The following NRXN1 variants were observed in gnomAD, a reference collection of about 807,000 sequenced individuals.
The protein encoded by NRXN1 is neurexin 1, also known as neurexin-1.
NRXN1 carries 39 observed loss-of-function variants against 150.9 expected under a neutral mutation model. The observed-to-expected ratio is 0.26, with a 90% confidence interval of 0.20 to 0.34. NRXN1 has a LOEUF of 0.34. Ranked by LOEUF, NRXN1 falls within the 10% of genes least tolerant of loss-of-function variation. NRXN1 has a pLI of 1.00. For missense variants in NRXN1, 1,815 were observed against 1,949.9 expected (o/e 0.93, Z 1.30); for synonymous variants, 924 against 757.0 (o/e 1.22, Z -3.62).
chr2:50,651,953 G>A (rs932134306), intron 5 of NRXN1, among the ~76,000 whole-genome samples: 1 of 152,030 alleles, frequency 6.6e-6, no homozygotes, highest in African/African-American at 2.4e-5. Flanking sequence ...TTATTGTAGG[G>A]TCTTAATGAG....
chr2:50,207,210 A>G lies in NRXN1; in HGVS notation c.3546+29579T>C, dbSNP rs78052910. Among the ~76,000 whole-genome samples the G allele has an allele frequency of 4.8e-3, 737 of 152,206 alleles. 8 individuals are homozygous for G. Among genetic ancestry groups the G allele is most frequent in the African/African-American group, 0.017 (697 of 41,568 alleles). The stretch of plus-strand genomic sequence containing the variant: ...ACTATCTTCACATTTTATCTACCTG[A>G]TTTAAAATACAAAATCTTTCCATGT... On this transcript the variant is annotated intron_variant, in intron 18 of 22. Transcript: ENST00000401669.
intron 17 of NRXN1, among the ~76,000 whole-genome samples, chr2:50,340,951 T>C (rs1232462268): frequency 1.3e-5 from 2 of 152,192 alleles, no homozygotes; most frequent in Non-Finnish European, 2.9e-5. Context: ...GGTTGCTCTA[T>C]TCTCTTCTCA....
At chr2:50,456,031 A>G (rs1558762722) in intron 17 of NRXN1, among the ~76,000 whole-genome samples, 1 of 152,152 alleles carries the variant, frequency 6.6e-6, no homozygotes, top group Non-Finnish European at 1.5e-5. Flanking sequence ...CCAAGAAAAA[A>G]TGTGTACTTT....
chr2:50,830,981 A>G lies in NRXN1; in HGVS notation c.832+90888T>C, dbSNP rs1220795184. 2.0e-5 allele frequency among the ~76,000 whole-genome samples: 3 copies of G among 152,106 alleles called. No homozygotes were observed. In the East Asian group the frequency reaches 5.8e-4, roughly 29 times the overall value. ...ATTTTTGTGGGCATATAGTAGGTGT[A>G]TATGTTTATGAGGTACATGAAATGT... On this transcript the variant is annotated intron_variant, in intron 5 of 22. Transcript: ENST00000401669.
chr2:50,296,096 A>C (rs1444310787), intron 17 of NRXN1, among the ~76,000 whole-genome samples: 1 of 152,212 alleles, frequency 6.6e-6, no homozygotes, highest in Non-Finnish European at 1.5e-5. Flanking sequence ...AGACAATGTT[A>C]ATATTCACTA....
chr2:50,587,171 A>G (rs1673280978), intron 8 of NRXN1, among the ~76,000 whole-genome samples: 1 of 152,428 alleles, frequency 6.6e-6, no homozygotes, highest in African/African-American at 2.4e-5. Context: ...CGATTTCCTC[A>G]TTGGTGAAGC....
At chr2:50,624,744 C>T (rs533156069) in intron 5 of NRXN1, 52 of 152,096 alleles carry the variant, frequency 3.4e-4, no homozygotes, top group African/African-American at 1.1e-3. Flanking sequence ...AGAATTCTAG[C>T]ACATCGTCAT....
intron 17 of NRXN1, among the ~76,000 whole-genome samples, chr2:50,419,727 G>A (rs749289839): frequency 2.0e-5 from 3 of 151,944 alleles, no homozygotes; most frequent in Non-Finnish European, 4.4e-5. Flanking sequence ...CCTTTGTAAT[G>A]TAAAAACATT....
At chr2:50,439,965 C>T (rs929674307) in intron 17 of NRXN1, among the ~76,000 whole-genome samples, 4 of 152,088 alleles carry the variant, frequency 2.6e-5, no homozygotes, top group Non-Finnish European at 5.9e-5. Flanking sequence ...TAAAAGGTAT[C>T]AGAGCTAGTA....
In NRXN1 at chr2:51,028,583, G is replaced by T. The variant is rs1278694804; in HGVS notation, c.-310C>A. 6.3e-6 allele frequency: 2 copies of T among 319,058 alleles called. No individual in the cohort carries two copies. The highest frequency in any genetic ancestry group is 1.1e-5 in the Non-Finnish European group (2 of 175,422). 19.8% of individuals were successfully genotyped at this position (319,058 alleles called of 1,614,324 possible). ...CGTTCTGGAAAAGGCTTCAACAAAA[G>T]ATCAAGGGAAAGCACTGACCCATTT... On this transcript the variant is annotated 5_prime_UTR_variant, in exon 2 of 23. Transcript: ENST00000401669.
intron 16 of NRXN1, among the ~76,000 whole-genome samples, chr2:50,467,602 C>A (rs1254993265): frequency 6.6e-6 from 1 of 151,132 alleles, no homozygotes; most frequent in Non-Finnish European, 1.5e-5. Flanking sequence ...TTTAGCCTAG[C>A]CTCTGAGAAT....
chr2:50,849,456 G>A (rs183400726), intron 5 of NRXN1, among the ~76,000 whole-genome samples: 1 of 152,292 alleles, frequency 6.6e-6, no homozygotes, highest in East Asian at 1.9e-4. Flanking sequence ...CAGTCTTAGG[G>A]TGAAGGTAAG....
intron 17 of NRXN1, among the ~76,000 whole-genome samples, chr2:50,254,945 T>A (rs756794824): frequency 6.6e-6 from 1 of 152,124 alleles, no homozygotes; most frequent in Admixed American, 6.6e-5. Flanking sequence ...TAGCTGGGTC[T>A]ACAGGCGCAC....
At chr2:50,846,467 T>G (rs1673674117) in intron 5 of NRXN1, among the ~76,000 whole-genome samples, 1 of 152,210 alleles carries the variant, frequency 6.6e-6, no homozygotes, top group African/African-American at 2.4e-5. Flanking sequence ...TGTGGTATAT[T>G]TAGCTCATGC....
At chr2:50,521,290 T>C (rs1255542712) in intron 12 of NRXN1, among the ~76,000 whole-genome samples, 1 of 152,166 alleles carries the variant, frequency 6.6e-6, no homozygotes, top group Admixed American at 6.6e-5. Context: ...TTAATTTCAA[T>C]AGTACTATGC....
chr2:50,011,637 G>A (rs1373532746), intron 21 of NRXN1, among the ~76,000 whole-genome samples: 2 of 151,974 alleles, frequency 1.3e-5, no homozygotes, highest in Admixed American at 1.3e-4. Context: ...CACCATCAGA[G>A]GCTGGTCAAG....
rs1158611080 is a variant in NRXN1 at position 50,781,914 on chromosome 2, A to G, written c.832+139955T>C. Among the ~76,000 whole-genome samples, 2 of 152,220 alleles carry G rather than the reference A, an allele frequency of 1.3e-5. 1 individual carries two copies. The highest frequency in any genetic ancestry group is 2.9e-5 in the Non-Finnish European group (2 of 68,040). On this transcript the variant is annotated intron_variant, in intron 5 of 22. Coordinates refer to ENST00000401669, the MANE Select transcript of NRXN1 (RefSeq NM_001330078.2). ...ATGGCTATTAACTCCATCCTCACAG[A>G]ACTAGTAAAAGGTGCTTTTGTCACT...
intron 5 of NRXN1, among the ~76,000 whole-genome samples, chr2:50,740,833 C>G (rs1559194667): frequency 6.6e-6 from 1 of 152,090 alleles, no homozygotes; most frequent in African/African-American, 2.4e-5. Context: ...AAATTGATTA[C>G]TAAGAACAGT....
intron 19 of NRXN1, among the ~76,000 whole-genome samples, chr2:50,086,457 A>T (rs72891463): frequency 0.028 from 4,290 of 152,166 alleles, 173 homozygotes; most frequent in African/African-American, 0.098. Context: ...GATTTACACC[A>T]TCTCTATGGA....
Sources: allele counts gnomAD v4.1 joint callset (sites outside exome capture counted in the v4.1 genomes callset), GRCh38; gene constraint gnomAD v4.1.1; transcripts MANE v1.5; gene names NCBI Gene and HGNC (gene_info 2026-07-23, HGNC 2026-07-21).